Variants in TSPAN5 observed in about 807,000 individuals in gnomAD.
The protein encoded by TSPAN5 is tetraspanin-5.
Under a neutral mutation model 37.1 loss-of-function variants are expected in TSPAN5, and 10 were observed. The observed-to-expected ratio is 0.27, with a 90% CI of 0.17 to 0.46. The LOEUF is 0.46. Ranked by LOEUF, TSPAN5 falls within the 20% of genes least tolerant of loss-of-function variation. The pLI, the probability that TSPAN5 is intolerant of heterozygous loss-of-function variation, is 1.00. For synonymous variants in TSPAN5, 110 were observed against 118.9 expected (o/e 0.93, Z 0.48); for missense variants, 195 against 326.6 (o/e 0.60, Z 3.11).
chr4:98,600,472 A>T (rs1240778850), intron 1 of TSPAN5, among the ~76,000 whole-genome samples: 1 of 152,200 alleles, frequency 6.6e-6, no homozygotes, highest in Non-Finnish European at 1.5e-5. Flanking sequence ...GGAATATTCT[A>T]AATCCTTTGC....
rs1579054534 is a variant in TSPAN5 at position 98,647,951 on chromosome 4, A to C, written c.81+10195T>G. ...GTTTTATTCAAAATGTTATTTTTCA[A>C]GATTTCTACTTTAGGAACCCAGCCG... On this transcript the variant is annotated intron_variant, in intron 1 of 7. Coordinates refer to ENST00000305798, the MANE Select transcript of TSPAN5 (RefSeq NM_005723.4). 2.0e-5 allele frequency among the ~76,000 whole-genome samples: 3 copies of C among 152,306 alleles called. No individual in the cohort carries two copies. The East Asian group carries it at 5.8e-4, about 29-fold the overall frequency.
intron 1 of TSPAN5, among the ~76,000 whole-genome samples, chr4:98,508,109 G>C (rs867758955): frequency 1.3e-5 from 2 of 152,180 alleles, no homozygotes; most frequent in Admixed American, 1.3e-4. Context: ...TTAACTTAGA[G>C]GAACTGGGAT....
At chr4:98,655,283 T>C (rs1174713392) in intron 1 of TSPAN5, among the ~76,000 whole-genome samples, 2 of 152,202 alleles carry the variant, frequency 1.3e-5, no homozygotes, top group African/African-American at 4.8e-5. Context: ...TTATCACGTG[T>C]CCTGGTATAT....
intron 1 of TSPAN5, among the ~76,000 whole-genome samples, chr4:98,513,500 C>A (rs183445428): frequency 2.1e-3 from 325 of 152,086 alleles, no homozygotes; most frequent in Non-Finnish European, 4.1e-3. Flanking sequence ...TACGGTGAAA[C>A]GGTCGGAATT....
intron 1 of TSPAN5, among the ~76,000 whole-genome samples, chr4:98,570,056 A>G (rs1357191636): frequency 1.3e-5 from 2 of 150,694 alleles, no homozygotes; most frequent in Admixed American, 6.6e-5. Context: ...AATGAACACC[A>G]AGAGAGAGAG....
At chr4:98,560,642 C>T (rs1754861077) in intron 1 of TSPAN5, among the ~76,000 whole-genome samples, 2 of 152,164 alleles carry the variant, frequency 1.3e-5, no homozygotes, top group Non-Finnish European at 2.9e-5. Flanking sequence ...AAGACAAGTG[C>T]CAGGCACTCT....
intron 1 of TSPAN5, among the ~76,000 whole-genome samples, chr4:98,539,393 G>A (rs965920973): frequency 2.0e-5 from 3 of 152,088 alleles, no homozygotes; most frequent in African/African-American, 7.2e-5. Context: ...AAACACAAAT[G>A]TCAGGACCAA....
intron 1 of TSPAN5, among the ~76,000 whole-genome samples, chr4:98,534,275 CCTGTAGTCAT>C (rs1353046479): frequency 2.0e-5 from 3 of 151,914 alleles, no homozygotes; most frequent in African/African-American, 4.8e-5. Context: ...CGTTATGTAC[CCTGTAGTCAT>C]TCAGGACCAG....
Position 98,526,595 on chromosome 4 carries a change from CTAAATGCCAATTTGCAG to C in TSPAN5, c.82-18884_82-18868del, listed in dbSNP as rs375304906. On this transcript the variant is annotated intron_variant, in intron 1 of 7. Coordinates refer to ENST00000305798, the MANE Select transcript of TSPAN5 (RefSeq NM_005723.4). ...GATAAGTTATGAATCAATAATGAAC[CTAAATGCCAATTTGCAG>C]TAAATGCCATAAATGAGACTGAGAA... 9.4e-4 allele frequency among the ~76,000 whole-genome samples: 142 copies of C among 151,832 alleles called. 2 individuals carry two copies. The highest frequency in any genetic ancestry group is 3.2e-3 in the African/African-American group (134 of 41,350).
chr4:98,623,361 G>A (rs1386086926), intron 1 of TSPAN5, among the ~76,000 whole-genome samples: 1 of 152,148 alleles, frequency 6.6e-6, no homozygotes, highest in Non-Finnish European at 1.5e-5. Flanking sequence ...AATCAACAAC[G>A]ATTAAAGCAG....
At chr4:98,586,758 G>A (rs943147574) in intron 1 of TSPAN5, among the ~76,000 whole-genome samples, 11 of 152,220 alleles carry the variant, frequency 7.2e-5, no homozygotes, top group African/African-American at 2.7e-4. Flanking sequence ...TCTAATTCTA[G>A]ACACTTGTTT....
At chr4:98,499,953 C>T (rs909328087) in intron 2 of TSPAN5, among the ~76,000 whole-genome samples, 7 of 151,954 alleles carry the variant, frequency 4.6e-5, no homozygotes, top group Non-Finnish European at 7.4e-5. Flanking sequence ...AGCCACCGCG[C>T]CCGGCCGGTT....
Position 98,619,684 on chromosome 4 carries a change from G to A in TSPAN5, c.81+38462C>T, listed in dbSNP as rs558554618. Reference sequence around the variant, plus strand: ...GCACCGTGAAGGAACACAGATTGACGAGTGTCCATCTGTTCAGGCTGCTAT... The same window carrying A: ...GCACCGTGAAGGAACACAGATTGACAAGTGTCCATCTGTTCAGGCTGCTAT... On this transcript the variant is annotated intron_variant, in intron 1 of 7. Transcript: ENST00000305798. Among the ~76,000 whole-genome samples, 12 of 152,268 alleles carry A rather than the reference G, an allele frequency of 7.9e-5. No individual in the cohort carries two copies. In the South Asian group the frequency reaches 1.5e-3, roughly 18 times the overall value.
intron 1 of TSPAN5, among the ~76,000 whole-genome samples, chr4:98,651,345 A>C (rs1214902113): frequency 6.6e-6 from 1 of 152,234 alleles, no homozygotes; most frequent in East Asian, 1.9e-4. Flanking sequence ...GAGACTAAAA[A>C]CATGTAACTA....
At chr4:98,637,111 T>C (rs1756872508) in intron 1 of TSPAN5, among the ~76,000 whole-genome samples, 1 of 152,200 alleles carries the variant, frequency 6.6e-6, no homozygotes. Context: ...GCAGTAGTTA[T>C]CACACTAACA....
intron 5 of TSPAN5, 108 bp downstream of exon 5, chr4:98,478,577 A>C: frequency 7.4e-7 from 1 of 1,348,810 alleles, no homozygotes; most frequent in Non-Finnish European, 1.1e-6. Context: ...TACAAATACG[A>C]GTAACCAGGT....
chr4:98,575,100 A>G (rs1456122181), intron 1 of TSPAN5, among the ~76,000 whole-genome samples: 1 of 152,210 alleles, frequency 6.6e-6, no homozygotes, highest in Non-Finnish European at 1.5e-5. Context: ...TCCCCTCTGC[A>G]AGGAACACCT....
intron 2 of TSPAN5, among the ~76,000 whole-genome samples, chr4:98,507,101 G>A (rs1436544972): frequency 6.6e-6 from 1 of 152,096 alleles, no homozygotes. Context: ...TTATTATACT[G>A]TATTTGATCA....
At chr4:98,482,308 G>A (rs1035802191) in intron 3 of TSPAN5, 133 bp from the exon 4 acceptor site, 1 of 721,976 alleles carries the variant, frequency 1.4e-6, no homozygotes, top group Non-Finnish European at 2.2e-6. Flanking sequence ...ATAATCTTCA[G>A]TTTCTGCTGA....
Sources: gnomAD v4.1 joint callset for allele counts (sites outside exome capture counted in the v4.1 genomes callset) on GRCh38, gnomAD v4.1.1 for gene constraint, MANE v1.5 for transcripts, NCBI Gene and HGNC (gene_info 2026-07-23, HGNC 2026-07-21) for gene names.